The following SMPD3 variants were observed in gnomAD, a reference collection of about 807,000 sequenced individuals.
The protein encoded by SMPD3 is nSMase-2.
Under a neutral mutation model 55.7 loss-of-function variants are expected in SMPD3, and 21 were observed. That is an observed-to-expected ratio of 0.38 (90% CI 0.27 to 0.54). SMPD3 has a LOEUF of 0.54. SMPD3 is among the 20% of genes least tolerant of loss of function. The probability of loss-of-function intolerance (pLI) is 0.80; values close to 1 mark genes in which losing one functional copy is unlikely to be tolerated. For missense variants in SMPD3, 842 were observed against 899.6 expected (o/e 0.94, Z 0.82); for synonymous variants, 457 against 404.3 (o/e 1.13, Z -1.56).
rs758175800 is a variant in SMPD3 at position 68,364,911 on chromosome 16, A to G, written c.1400-5T>C. On this transcript the variant is annotated splice_polypyrimidine_tract_variant and splice_region_variant and intron_variant, in intron 4 of 8. Transcript: ENST00000219334. ...CACACCGGATGGCGCTGTCCTCTGCAGGGCAGAAGTACAGAGACTGGATGA... is the reference window on the plus strand; with the variant it reads ...CACACCGGATGGCGCTGTCCTCTGCGGGGCAGAAGTACAGAGACTGGATGA... The G allele has an allele frequency of 6.2e-7, 1 of 1,613,448 alleles. No individual in the cohort carries two copies. Among genetic ancestry groups the G allele is most frequent in the South Asian group, 1.1e-5 (1 of 91,040 alleles).
chr16:68,432,707 A>T (rs1597666824), intron 1 of SMPD3, among the ~76,000 whole-genome samples: 2 of 152,308 alleles, frequency 1.3e-5, no homozygotes, highest in South Asian at 4.1e-4. Context: ...TGGCAGCTAA[A>T]TGTATGAGGT....
intron 1 of SMPD3, among the ~76,000 whole-genome samples, chr16:68,411,516 T>C (rs2090300916): frequency 6.6e-6 from 1 of 151,858 alleles, no homozygotes; most frequent in African/African-American, 2.4e-5. Context: ...GAGTGAGGGA[T>C]GGGAGGGTGA....
chr16:68,389,939 A>T (rs1409349319), intron 1 of SMPD3, among the ~76,000 whole-genome samples: 1 of 152,256 alleles, frequency 6.6e-6, no homozygotes, highest in Non-Finnish European at 1.5e-5. Context: ...AGTTCATTAG[A>T]GAAGAAACAG....
intron 1 of SMPD3, among the ~76,000 whole-genome samples, chr16:68,397,736 G>A (rs567101112): frequency 2.0e-5 from 3 of 152,250 alleles, no homozygotes; most frequent in Admixed American, 6.5e-5. Context: ...CGCCTTGCTT[G>A]GTCAGCTCCT....
chr16:68,425,261 G>T (rs1422411537), intron 1 of SMPD3, among the ~76,000 whole-genome samples: 1 of 152,202 alleles, frequency 6.6e-6, no homozygotes, highest in East Asian at 1.9e-4. Context: ...GAACTTCATG[G>T]ATGTCTCTGG....
chr16:68,373,364 G>C (rs561106758), intron 2 of SMPD3, among the ~76,000 whole-genome samples: 1 of 152,250 alleles, frequency 6.6e-6, no homozygotes, highest in Non-Finnish European at 1.5e-5. Flanking sequence ...CAAGCTTCTG[G>C]AGTGTTTGCC....
At chr16:68,410,238 A>T (rs2090288417) in intron 1 of SMPD3, among the ~76,000 whole-genome samples, 1 of 152,140 alleles carries the variant, frequency 6.6e-6, no homozygotes, top group Non-Finnish European at 1.5e-5. Context: ...TGGTTACTCC[A>T]CAGGTGTCAG....
intron 1 of SMPD3, among the ~76,000 whole-genome samples, chr16:68,414,566 A>C (rs1442386901): frequency 6.6e-6 from 1 of 152,210 alleles, no homozygotes; most frequent in Non-Finnish European, 1.5e-5. Context: ...GAGGCCTCTA[A>C]GCCCCACAGG....
At chr16:68,383,869 C>T (rs1443651295) in intron 2 of SMPD3, among the ~76,000 whole-genome samples, 1 of 152,196 alleles carries the variant, frequency 6.6e-6, no homozygotes, top group African/African-American at 2.4e-5. Context: ...CTCCTCTTCC[C>T]AGCTCACAAT....
Position 68,363,838 on chromosome 16 carries a change from C to T in SMPD3, c.1584G>A (p.Leu528=). The change falls in exon 6 of 9, where the codon CTG becomes CTA. Residue 528 remains leucine (L), a synonymous_variant. Coordinates refer to ENST00000219334, the MANE Select transcript of SMPD3 (RefSeq NM_018667.4). ...SDDKLEQQHS[L]FTHYRDPCRL... is the part of the protein sequence containing the mutation. ...GGCAGGGGTCCCTGTAGTGGGTGAA[C>T]AGGGAGTGTTGCTGCTCCAGCTTGT... 2 of 1,569,722 alleles carry T rather than the reference C, an allele frequency of 1.3e-6. No individual in the cohort carries two copies. Among genetic ancestry groups the T allele is most frequent in the Non-Finnish European group, 1.7e-6 (2 of 1,157,246 alleles).
Position 68,371,020 on chromosome 16 carries a change from C to G in SMPD3, c.1162G>C (p.Asp388His). The part of the protein sequence containing the change: ...LHGYFEYILY[D>H]VGVYGCQGCC... ...CCCTGGCAGCCGTAGACCCCGACGT[C>G]GTACAGGATGTACTCGAAGTAGCCG... Residue 388 changes from aspartate (D) to histidine (H), a missense_variant, in exon 3 of 9, where the codon GAC becomes CAC. By Grantham distance (81) the Asp-to-His change is moderately conservative. Transcript: ENST00000219334. The G allele has an allele frequency of 6.2e-7, 1 of 1,614,208 alleles. No homozygotes were observed. The highest frequency in any genetic ancestry group is 8.5e-7 in the Non-Finnish European group (1 of 1,180,042).
In SMPD3 at chr16:68,359,509, T is replaced by C. The variant is rs2089105265; in HGVS notation, c.*1697A>G. 1 of 152,768 alleles carries C rather than the reference T, an allele frequency of 6.5e-6. No homozygotes were observed. Among genetic ancestry groups the C allele is most frequent in the African/African-American group, 2.4e-5 (1 of 41,462 alleles). The allele number at this position is 152,768 out of a possible 1,614,324, so 9.5% of individuals were successfully genotyped here. A position where few individuals can be genotyped will look rare whatever the true frequency, so the allele number is the denominator to read the frequency against. On this transcript the variant is annotated 3_prime_UTR_variant, in exon 9 of 9. Coordinates refer to ENST00000219334, the MANE Select transcript of SMPD3 (RefSeq NM_018667.4). ...GCTCCCTGGGCTCTGCAGCGTTGTC[T>C]GCCCCAGCACAGGGCCAGGCATCTG... is the stretch of plus-strand genomic sequence containing the variant.
chr16:68,403,546 A>T (rs952674181), intron 1 of SMPD3, among the ~76,000 whole-genome samples: 12 of 152,230 alleles, frequency 7.9e-5, no homozygotes, highest in Non-Finnish European at 1.6e-4. Flanking sequence ...CTAATTCAGT[A>T]CCAAACATGA....
At chr16:68,436,861 C>T (rs1424967231) in intron 1 of SMPD3, among the ~76,000 whole-genome samples, 3 of 152,130 alleles carry the variant, frequency 2.0e-5, no homozygotes, top group Non-Finnish European at 4.4e-5. Context: ...TCATCCTCAC[C>T]GACTGTATAC....
In SMPD3 at chr16:68,409,546, C is replaced by T. The variant is rs186994508; in HGVS notation, c.-268-22887G>A. On this transcript the variant is annotated intron_variant, in intron 1 of 8. Coordinates refer to ENST00000219334, the MANE Select transcript of SMPD3 (RefSeq NM_018667.4). ...AGGTGTCATGAGGGTAAACTGCACA[C>T]AAAATCCTGTCCCAGTGCCCGACTC... 6.7e-3 allele frequency among the ~76,000 whole-genome samples: 1,018 copies of T among 152,290 alleles called. 7 individuals carry two copies. The highest frequency in any genetic ancestry group is 9.9e-3 in the Non-Finnish European group (676 of 68,022).
Position 68,358,903 on chromosome 16 carries a change from A to T in SMPD3, c.*2303T>A, listed in dbSNP as rs1348051677. On this transcript the variant is annotated 3_prime_UTR_variant, in exon 9 of 9. Transcript: ENST00000219334. ...AGTCCATAGGCAGCCACAATGAGAC[A>T]CGTGGGTGGGGGGGTCCCGGTCTTG... is the stretch of plus-strand genomic sequence containing the variant. The T allele has an allele frequency of 6.6e-6, 1 of 152,568 alleles. No homozygotes were observed. The highest frequency in any genetic ancestry group is 2.4e-5 in the African/African-American group (1 of 41,432). The allele number at this position is 152,568 out of a possible 1,614,324, so 9.5% of individuals were successfully genotyped here.
chr16:68,376,730 T>G (rs1458780117), intron 2 of SMPD3, among the ~76,000 whole-genome samples: 2 of 152,128 alleles, frequency 1.3e-5, no homozygotes, highest in Non-Finnish European at 2.9e-5. Flanking sequence ...CTGGGGTCAG[T>G]GTGGGAGGCC....
chr16:68,399,178 G>A (rs911409435), intron 1 of SMPD3, among the ~76,000 whole-genome samples: 11 of 152,206 alleles, frequency 7.2e-5, no homozygotes, highest in African/African-American at 2.4e-5. Context: ...ATGTCCCTGT[G>A]GGTGGGCTTG....
chr16:68,423,639 A>T (rs750366026), intron 1 of SMPD3, among the ~76,000 whole-genome samples: 26 of 152,150 alleles, frequency 1.7e-4, no homozygotes, highest in Admixed American at 8.5e-4. Context: ...ATAGAAAATG[A>T]ACTAAGACAC....
Sources: gnomAD v4.1 joint callset for allele counts (sites outside exome capture counted in the v4.1 genomes callset) on GRCh38, gnomAD v4.1.1 for gene constraint, MANE v1.5 for transcripts, NCBI Gene and HGNC (gene_info 2026-07-23, HGNC 2026-07-21) for gene names.